Variants in TMEM125 observed in about 807,000 individuals in gnomAD.
TMEM125 encodes transmembrane protein 125.
In TMEM125, 11 loss-of-function variants were observed where a neutral mutation model predicts 8.7. The observed-to-expected ratio is 1.26, with a 90% confidence interval of 0.79 to 2.08. The LOEUF is 2.08. Ranked by LOEUF, TMEM125 falls within the 30% of genes most tolerant of loss-of-function variation. The pLI is 0.00. For missense variants in TMEM125, 270 were observed against 302.4 expected (o/e 0.89, Z 0.79); for synonymous variants, 144 against 146.1 (o/e 0.99, Z 0.10).
rs762904354 is a variant in TMEM125 at position 43,272,927 on chromosome 1, G to T, written c.205G>T (p.Ala69Ser). 7 of 1,600,842 alleles carry T rather than the reference G, an allele frequency of 4.4e-6. No individual in the cohort carries two copies. The East Asian group carries it at 1.6e-4, about 36-fold the overall frequency. The change falls in exon 4 of 4, where the codon GCA (alanine) becomes TCA (serine). Residue 69 changes from alanine (A) to serine (S), a missense_variant. This residue lies in a region of TMEM125 where 215 missense variants were observed against 216.5 expected (regional missense o/e 0.99). Transcript: ENST00000439858. This position sits in a 1 kb window ranked among gnomAD's most constrained non-coding sequence, Gnocchi z 5.0. ...TSSRSGEWRL[A>S]TGTVLCLLAL... is the part of the protein sequence containing the mutation. ...CAGCCGCTCAGGTGAATGGCGGCTA[G>T]CAACGGGCACTGTGCTCTGTTTGCT...
In TMEM125 at chr1:43,273,437, C is replaced by A; in HGVS notation, c.*55C>A. On this transcript the variant is annotated 3_prime_UTR_variant, in exon 4 of 4. Coordinates refer to ENST00000439858, the MANE Select transcript of TMEM125 (RefSeq NM_144626.3). ...CGGCCTCAGCGTCCCCAGAGCCGAG[C>A]CAGGGTGTGAGTGCATGTGAACGTT... 3 of 1,559,596 alleles carry A rather than the reference C, an allele frequency of 1.9e-6. No homozygotes were observed. Among genetic ancestry groups the A allele is most frequent in the South Asian group, 2.4e-5 (2 of 82,218 alleles).
chr1:43,273,582 C>A lies in TMEM125; in HGVS notation c.*200C>A. 7.1e-6 allele frequency: 5 copies of A among 704,514 alleles called. No homozygotes were observed. Among genetic ancestry groups the A allele is most frequent in the Non-Finnish European group, 7.1e-6 (3 of 423,330 alleles). 43.6% of individuals were successfully genotyped at this position (704,514 alleles called of 1,614,324 possible). On this transcript the variant is annotated 3_prime_UTR_variant, in exon 4 of 4. Transcript: ENST00000439858. Reference sequence around the variant, plus strand: ...CACATCATGGGAAGGTTAATGTGTGCCTCCTTGGAACTGGGTGTTGGTGTC... The same window carrying A: ...CACATCATGGGAAGGTTAATGTGTGACTCCTTGGAACTGGGTGTTGGTGTC...
Position 43,271,179 on chromosome 1 carries a change from A to C in TMEM125, c.-302+386A>C, listed in dbSNP as rs1646488673. 1 of 152,242 alleles carries C rather than the reference A, an allele frequency of 6.6e-6. No homozygotes were observed. The highest frequency in any genetic ancestry group is 6.5e-5 in the Admixed American group (1 of 15,282). 9.4% of individuals were successfully genotyped at this position (152,242 alleles called of 1,614,324 possible). A position where few individuals can be genotyped will look rare whatever the true frequency, so the allele number is the denominator to read the frequency against. The stretch of plus-strand genomic sequence containing the variant: ...GCCTTGGAGGGGTAACATCGTTTTC[A>C]TGTATTCAAAAAGCACGCTTTGAGC... On this transcript the variant is annotated intron_variant, in intron 2 of 3. Transcript: ENST00000439858. This position sits in a 1 kb window ranked among gnomAD's most constrained non-coding sequence, Gnocchi z 4.9.
rs1646493599 is a variant in TMEM125 at position 43,271,905 on chromosome 1, G to A, written c.-301-279G>A. On this transcript the variant is annotated intron_variant, in intron 2 of 3. Coordinates refer to ENST00000439858, the MANE Select transcript of TMEM125 (RefSeq NM_144626.3). The surrounding 1 kb of genome is among the most constrained non-coding windows in gnomAD (Gnocchi z 4.9). Reference sequence around the variant, plus strand: ...AAGGAACAGGTTGGAGTAAGACAACGAGCTTGGGTTGGGACCTGTTGCATC... The same window carrying A: ...AAGGAACAGGTTGGAGTAAGACAACAAGCTTGGGTTGGGACCTGTTGCATC... Among the ~76,000 whole-genome samples, 1 of 152,180 alleles carries A rather than the reference G, an allele frequency of 6.6e-6. No individual in the cohort carries two copies. The highest frequency in any genetic ancestry group is 2.4e-5 in the African/African-American group (1 of 41,430).
Position 43,272,986 on chromosome 1 carries a change from C to G in TMEM125, c.264C>G (p.Ser88Arg). Reference sequence around the variant, plus strand: ...TGGTTCTGGTGAAACAGCTGATGAGCTCGGCTGTGCAGGACATGAACTGCA... The same window carrying G: ...TGGTTCTGGTGAAACAGCTGATGAGGTCGGCTGTGCAGGACATGAACTGCA... ...ALLVLVKQLM[S>R]SAVQDMNCIR... is the part of the protein sequence containing the mutation. The change falls in exon 4 of 4, where the codon AGC becomes AGG. Residue 88 changes from serine to arginine, a missense_variant. Ser to Arg is a moderately radical substitution (Grantham distance 110). Transcript: ENST00000439858. The surrounding 1 kb of genome is among the most constrained non-coding windows in gnomAD (Gnocchi z 5.0). 6.2e-7 allele frequency: 1 copy of G among 1,612,350 alleles called. No homozygotes were observed. Among genetic ancestry groups the G allele is most frequent in the Non-Finnish European group, 8.5e-7 (1 of 1,178,694 alleles).
rs1646497236 is a variant in TMEM125 at position 43,272,407 on chromosome 1, TG to T, written c.-146+72del. 7.9e-6 allele frequency: 2 copies of T among 251,916 alleles called. No individual in the cohort carries two copies. Among genetic ancestry groups the T allele is most frequent in the Non-Finnish European group, 1.5e-5 (2 of 132,382 alleles). The allele number at this position is 251,916 out of a possible 1,614,324, so 15.6% of individuals were successfully genotyped here. A position where few individuals can be genotyped will look rare whatever the true frequency, so the allele number is the denominator to read the frequency against. On this transcript the variant is annotated intron_variant, in intron 3 of 3. Coordinates refer to ENST00000439858, the MANE Select transcript of TMEM125 (RefSeq NM_144626.3). The surrounding 1 kb of genome is among the most constrained non-coding windows in gnomAD (Gnocchi z 5.0). The stretch of plus-strand genomic sequence containing the variant: ...GTACCCTATGGGCAGGGTACTCCCC[TG>T]GGGTCATTGGAGAGCCATTCCCAAG...
rs137999473 is a variant in TMEM125, at chr1:43,271,920, C to T, written c.-301-264C>T. Among the ~76,000 whole-genome samples, 28 of 152,190 alleles carry T rather than the reference C, an allele frequency of 1.8e-4. No homozygotes were observed. The highest frequency in any genetic ancestry group is 6.5e-4 in the Admixed American group (10 of 15,282). Reference sequence around the variant, plus strand: ...GTAAGACAACGAGCTTGGGTTGGGACCTGTTGCATCACAGGGACATCAAGG... The same window carrying T: ...GTAAGACAACGAGCTTGGGTTGGGATCTGTTGCATCACAGGGACATCAAGG... On this transcript the variant is annotated intron_variant, in intron 2 of 3. Transcript: ENST00000439858. The surrounding 1 kb of genome is among the most constrained non-coding windows in gnomAD (Gnocchi z 4.9).
In TMEM125 at chr1:43,273,250, C is replaced by CCCCTCCATCTGTATGGCCACT. The variant is rs1646507720; in HGVS notation, c.536_556dup (p.Ile179_Ser185dup). 6.2e-7 allele frequency: 1 copy of CCCCTCCATCTGTATGGCCACT among 1,614,068 alleles called. No individual in the cohort carries two copies. On this transcript the variant is annotated inframe_insertion, in exon 4 of 4. Coordinates refer to ENST00000439858, the MANE Select transcript of TMEM125 (RefSeq NM_144626.3). The stretch of plus-strand genomic sequence containing the variant: ...ATCAAGTGGGTGTGAGCGGACACTG[C>CCCCTCCATCTGTATGGCCACT]CCCTCCATCTGTATGGCCACTCCCT...
Position 43,273,001 on chromosome 1 carries a change from C to G in TMEM125, c.279C>G (p.Asp93Glu), listed in dbSNP as rs367836264. ...AGCTGATGAGCTCGGCTGTGCAGGA[C>G]ATGAACTGCATCCGCCAGGCCCACC... is the stretch of plus-strand genomic sequence containing the variant. ...VKQLMSSAVQ[D>E]MNCIRQAHHV... Residue 93 changes from aspartate to glutamate, a missense_variant, in exon 4 of 4, where the codon GAC becomes GAG. Asp to Glu is a conservative substitution (Grantham distance 45). Around this residue, in one of 3 missense-constraint regions of TMEM125, gnomAD observed 215 missense variants for 216.5 expected, o/e 0.99. Transcript: ENST00000439858. 5.6e-6 allele frequency: 9 copies of G among 1,612,724 alleles called. No individual in the cohort carries two copies. The highest frequency in any genetic ancestry group is 7.6e-6 in the Non-Finnish European group (9 of 1,179,134).
chr1:43,272,871 C>G lies in TMEM125; in HGVS notation c.149C>G (p.Ala50Gly). 1 of 1,583,804 alleles carries G rather than the reference C, an allele frequency of 6.3e-7. No homozygotes were observed. The highest frequency in any genetic ancestry group is 8.6e-7 in the Non-Finnish European group (1 of 1,162,702). Residue 50 changes from alanine to glycine, a missense_variant, in exon 4 of 4, where the codon GCG (alanine) becomes GGG (glycine). Physicochemically the swap from Ala to Gly is moderately conservative, Grantham distance 60. This residue lies in a region of TMEM125 where 215 missense variants were observed against 216.5 expected (regional missense o/e 0.99). Transcript: ENST00000439858. This position sits in a 1 kb window ranked among gnomAD's most constrained non-coding sequence, Gnocchi z 5.0. ...GTGGGCCTCGTGGCAGGCTGTGGCG[C>G]GGGCGGCGTGGCACTGCTGTCAACC... ...VAVGLVAGCGAGGVALLSTTS... is the reference protein window; with the variant it reads ...VAVGLVAGCGGGGVALLSTTS...
rs1570405724 is a variant in TMEM125 at position 43,273,313 on chromosome 1, C to T, written c.591C>T (p.Phe197=). Residue 197 remains phenylalanine (F), a synonymous_variant, in exon 4 of 4, where the codon TTC becomes TTT. Transcript: ENST00000439858. ...HSGHGGHGSI[F]SISGQLSAGR... is the part of the protein sequence containing the mutation. ...GCCATGGCGGCCATGGCAGCATCTT[C>T]AGCATCTCAGGACAGTTGTCTGCTG... 6.2e-7 allele frequency: 1 copy of T among 1,614,102 alleles called. No homozygotes were observed. The highest frequency in any genetic ancestry group is 1.1e-5 in the South Asian group (1 of 91,072).
chr1:43,272,806 C>A lies in TMEM125; in HGVS notation c.84C>A (p.Ser28=). ...MLAEQVELWW[S]QQPRRSALCF... ...CAGAGCAGGTGGAGCTGTGGTGGTC[C>A]CAGCAGCCGCGGCGCTCGGCGCTCT... The change falls in exon 4 of 4, where the codon TCC becomes TCA. Residue 28 remains serine (S), a synonymous_variant. Coordinates refer to ENST00000439858, the MANE Select transcript of TMEM125 (RefSeq NM_144626.3). The surrounding 1 kb of genome is among the most constrained non-coding windows in gnomAD (Gnocchi z 5.0). 1.3e-6 allele frequency: 2 copies of A among 1,563,394 alleles called. No homozygotes were observed. The highest frequency in any genetic ancestry group is 1.7e-6 in the Non-Finnish European group (2 of 1,151,520).
In TMEM125 at chr1:43,273,671, T is replaced by C. The variant is rs1646511773; in HGVS notation, c.*289T>C. ...AGAAACGCCTCATGATGAAGATTCTTGAGCCCCATTTCCAAGACCCCTCAC... is the reference window on the plus strand; with the variant it reads ...AGAAACGCCTCATGATGAAGATTCTCGAGCCCCATTTCCAAGACCCCTCAC... On this transcript the variant is annotated 3_prime_UTR_variant, in exon 4 of 4. Coordinates refer to ENST00000439858, the MANE Select transcript of TMEM125 (RefSeq NM_144626.3). 1 of 478,878 alleles carries C rather than the reference T, an allele frequency of 2.1e-6. No homozygotes were observed. The highest frequency in any genetic ancestry group is 3.9e-6 in the Non-Finnish European group (1 of 256,318). 29.7% of individuals were successfully genotyped at this position (478,878 alleles called of 1,614,324 possible). A position where few individuals can be genotyped will look rare whatever the true frequency, so the allele number is the denominator to read the frequency against.
rs769450625 is a variant in TMEM125, at chr1:43,272,580, G to A, written c.-143G>A. ...AGACTGTGATCCTTCCCCTACAGGTGAGGGTGACCATATCCTGGACTGTGA... is the reference window on the plus strand; with the variant it reads ...AGACTGTGATCCTTCCCCTACAGGTAAGGGTGACCATATCCTGGACTGTGA... On this transcript the variant is annotated splice_region_variant and 5_prime_UTR_variant, in exon 4 of 4. Transcript: ENST00000439858. The surrounding 1 kb of genome is among the most constrained non-coding windows in gnomAD (Gnocchi z 5.0). The A allele has an allele frequency of 3.1e-5, 21 of 678,522 alleles. No homozygotes were observed. The highest frequency in any genetic ancestry group is 1.3e-4 in the South Asian group (4 of 30,590). The allele number at this position is 678,522 out of a possible 1,614,324, so 42.0% of individuals were successfully genotyped here.
At position 43,272,803 on chromosome 1, in the gene TMEM125, G is replaced by A. The variant is rs767906533; in HGVS notation, c.81G>A (p.Trp27Ter). The change falls in exon 4 of 4, where the codon TGG (tryptophan) becomes TGA (stop). Residue 27 changes from tryptophan to a stop codon, truncating the protein, a stop_gained. Coordinates refer to ENST00000439858, the MANE Select transcript of TMEM125 (RefSeq NM_144626.3). LOFTEE classifies it high-confidence loss of function. This position sits in a 1 kb window ranked among gnomAD's most constrained non-coding sequence, Gnocchi z 5.0. ...TGGCAGAGCAGGTGGAGCTGTGGTG[G>A]TCCCAGCAGCCGCGGCGCTCGGCGC... ...DMLAEQVELW[W>*]SQQPRRSALC... The A allele has an allele frequency of 1.9e-6, 3 of 1,563,526 alleles. No homozygotes were observed. The highest frequency in any genetic ancestry group is 2.6e-6 in the Non-Finnish European group (3 of 1,151,694).
Position 43,271,511 on chromosome 1 carries a change from A to G in TMEM125, c.-301-673A>G, listed in dbSNP as rs548250088. ...ACCTCATGTGCTTTATTTTTGCCCA[A>G]TGTGAGACATGCTTTCCTCTGGAGG... On this transcript the variant is annotated intron_variant, in intron 2 of 3. Coordinates refer to ENST00000439858, the MANE Select transcript of TMEM125 (RefSeq NM_144626.3). The surrounding 1 kb of genome is among the most constrained non-coding windows in gnomAD (Gnocchi z 4.9). 2.6e-5 allele frequency among the ~76,000 whole-genome samples: 4 copies of G among 152,328 alleles called. No homozygotes were observed. The highest frequency in any genetic ancestry group is 4.1e-4 in the South Asian group (2 of 4,826).
In TMEM125 at chr1:43,273,146, C is replaced by T. The variant is rs569478207; in HGVS notation, c.424C>T (p.Arg142Trp). 1.1e-4 allele frequency: 172 copies of T among 1,612,748 alleles called. No individual in the cohort carries two copies. The East Asian group carries it at 1.3e-3, about 12-fold the overall frequency. The change falls in exon 4 of 4, where the codon CGG becomes TGG. Residue 142 changes from arginine to tryptophan, a missense_variant. Around this residue, in one of 3 missense-constraint regions of TMEM125, gnomAD observed 215 missense variants for 216.5 expected, o/e 0.99. Transcript: ENST00000439858. Reference sequence around the variant, plus strand: ...GCTGGCCGCCGCCCCTGCCCCTGCTCGGCCGCTGGCCGCCATGCTGTCTGT... The same window carrying T: ...GCTGGCCGCCGCCCCTGCCCCTGCTTGGCCGCTGGCCGCCATGCTGTCTGT... ...AGLAAAPAPA[R>W]PLAAMLSVGI...
chr1:43,272,949 T>G lies in TMEM125; in HGVS notation c.227T>G (p.Leu76Trp). The G allele has an allele frequency of 6.2e-7, 1 of 1,608,512 alleles. No individual in the cohort carries two copies. The highest frequency in any genetic ancestry group is 8.5e-7 in the Non-Finnish European group (1 of 1,175,836). ...WRLATGTVLCLLALLVLVKQL... is the reference protein window; with the variant it reads ...WRLATGTVLCWLALLVLVKQL... ...CTAGCAACGGGCACTGTGCTCTGTT[T>G]GCTGGCTCTGCTGGTTCTGGTGAAA... Residue 76 changes from leucine (L) to tryptophan (W), a missense_variant, in exon 4 of 4, where the codon TTG becomes TGG. Transcript: ENST00000439858. This position sits in a 1 kb window ranked among gnomAD's most constrained non-coding sequence, Gnocchi z 5.0.
chr1:43,273,639 T>C lies in TMEM125; in HGVS notation c.*257T>C, dbSNP rs563037803. ...ACTTCCTCTCTGTATCTCAGGTCAGTAGGCGCAGAAACGCCTCATGATGAA... is the reference window on the plus strand; with the variant it reads ...ACTTCCTCTCTGTATCTCAGGTCAGCAGGCGCAGAAACGCCTCATGATGAA... On this transcript the variant is annotated 3_prime_UTR_variant, in exon 4 of 4. Coordinates refer to ENST00000439858, the MANE Select transcript of TMEM125 (RefSeq NM_144626.3). The C allele has an allele frequency of 1.8e-6, 1 of 556,340 alleles. No homozygotes were observed. Among genetic ancestry groups the C allele is most frequent in the South Asian group, 2.5e-5 (1 of 39,358 alleles). 34.5% of individuals were successfully genotyped at this position (556,340 alleles called of 1,614,324 possible).
Sources: allele counts gnomAD v4.1 joint callset (sites outside exome capture counted in the v4.1 genomes callset), GRCh38; gene constraint gnomAD v4.1.1; regional missense constraint gnomAD v4.1.1; non-coding constraint Gnocchi (gnomAD v3.1); transcripts MANE v1.5; gene names NCBI Gene and HGNC (gene_info 2026-07-23, HGNC 2026-07-21).